Variants in LRRTM4 observed in about 807,000 individuals in gnomAD.
The protein encoded by LRRTM4 is leucine rich repeat transmembrane neuronal 4, also known as leucine-rich repeat transmembrane neuronal protein 4.
LRRTM4 carries 25 observed loss-of-function variants against 47.6 expected under a neutral mutation model. That is an observed-to-expected ratio of 0.53 (90% CI 0.38 to 0.73). The LOEUF (loss-of-function observed/expected upper bound fraction) is 0.73, where lower values mean the gene tolerates loss of function less well. LRRTM4 is among the 30% of genes least tolerant of loss of function. The pLI is 0.00. For synonymous variants in LRRTM4, 311 were observed against 269.5 expected (o/e 1.15, Z -1.51); for missense variants, 638 against 713.4 (o/e 0.89, Z 1.20).
chr2:77,249,280 G>A (rs950365438), intron 3 of LRRTM4, among the ~76,000 whole-genome samples: 5 of 151,954 alleles, frequency 3.3e-5, no homozygotes, highest in Non-Finnish European at 7.4e-5. Flanking sequence ...AACCTGGGAG[G>A]CAGAGGTTGC....
chr2:76,905,726 A>C (rs1382885234), intron 3 of LRRTM4, among the ~76,000 whole-genome samples: 1 of 150,988 alleles, frequency 6.6e-6, no homozygotes, highest in Admixed American at 6.7e-5. Flanking sequence ...CGATGCGATC[A>C]ACTGGAAGAA....
chr2:77,093,764 T>C (rs111489135), intron 3 of LRRTM4, among the ~76,000 whole-genome samples: 18,455 of 151,742 alleles, frequency 0.12, 1,408 homozygotes, highest in East Asian at 0.23. Context: ...ACAAAAGAAG[T>C]GAATATGCCC....
At chr2:77,022,522 A>G (rs1678309448) in intron 3 of LRRTM4, among the ~76,000 whole-genome samples, 1 of 152,216 alleles carries the variant, frequency 6.6e-6, no homozygotes, top group Non-Finnish European at 1.5e-5. Flanking sequence ...GAGCCTGTAA[A>G]ATCGAAAGCA....
At chr2:77,185,619 G>A (rs1045695330) in intron 3 of LRRTM4, among the ~76,000 whole-genome samples, 16 of 152,116 alleles carry the variant, frequency 1.1e-4, no homozygotes, top group African/African-American at 3.4e-4. Flanking sequence ...AGATGGATAA[G>A]TCAAACTAAA....
At chr2:77,023,639 C>G (rs1185516231) in intron 3 of LRRTM4, among the ~76,000 whole-genome samples, 1 of 152,176 alleles carries the variant, frequency 6.6e-6, no homozygotes, top group Non-Finnish European at 1.5e-5. Context: ...CACAATGCTG[C>G]CAGTTTCTTT....
intron 3 of LRRTM4, among the ~76,000 whole-genome samples, chr2:77,325,486 T>A (rs1183805828): frequency 1.3e-5 from 2 of 151,976 alleles, no homozygotes; most frequent in African/African-American, 4.8e-5. Context: ...AAAATTAGAG[T>A]GTATTGATAT....
At chr2:77,447,665 AC>A (rs1676106195) in intron 3 of LRRTM4, among the ~76,000 whole-genome samples, 1 of 152,120 alleles carries the variant, frequency 6.6e-6, no homozygotes, top group African/African-American at 2.4e-5. Flanking sequence ...CAACTGTTAG[AC>A]TTTTTTTTGA....
At chr2:77,039,859 T>G (rs1244194306) in intron 3 of LRRTM4, among the ~76,000 whole-genome samples, 1 of 151,112 alleles carries the variant, frequency 6.6e-6, no homozygotes, top group Non-Finnish European at 1.5e-5. Context: ...TTTAAACTAT[T>G]TTAATAGAAT....
At chr2:77,112,719 G>C (rs1026769690) in intron 3 of LRRTM4, among the ~76,000 whole-genome samples, 1 of 151,572 alleles carries the variant, frequency 6.6e-6, no homozygotes, top group Non-Finnish European at 1.5e-5. Context: ...TCCTACCAAA[G>C]TACCTTGAAA....
chr2:76,949,652 T>C (rs1225302934), intron 3 of LRRTM4, among the ~76,000 whole-genome samples: 1 of 151,944 alleles, frequency 6.6e-6, no homozygotes, highest in Non-Finnish European at 1.5e-5. Flanking sequence ...GATTCTTCTC[T>C]GGTATCCAGT....
intron 3 of LRRTM4, among the ~76,000 whole-genome samples, chr2:76,842,783 T>C (rs188914898): frequency 1.1e-4 from 16 of 152,306 alleles, no homozygotes; most frequent in Admixed American, 1.0e-3. Flanking sequence ...TGTGCAGGTT[T>C]GTTACATAGG....
chr2:77,214,367 T>C (rs1674379218), intron 3 of LRRTM4, among the ~76,000 whole-genome samples: 1 of 152,170 alleles, frequency 6.6e-6, no homozygotes, highest in Non-Finnish European at 1.5e-5. Context: ...TGTGCAGTAT[T>C]GCTAGAGTTA....
intron 3 of LRRTM4, among the ~76,000 whole-genome samples, chr2:76,911,778 A>G (rs1185018645): frequency 6.6e-6 from 1 of 152,074 alleles, no homozygotes; most frequent in East Asian, 1.9e-4. Flanking sequence ...TAATATACAC[A>G]CTGAAGGAAG....
intron 3 of LRRTM4, among the ~76,000 whole-genome samples, chr2:76,921,714 T>C (rs1011799365): frequency 6.6e-6 from 1 of 152,116 alleles, no homozygotes; most frequent in Non-Finnish European, 1.5e-5. Context: ...TTATTTTGGC[T>C]CCTATATCCC....
At chr2:76,974,379 G>T (rs1676346558) in intron 3 of LRRTM4, among the ~76,000 whole-genome samples, 1 of 150,400 alleles carries the variant, frequency 6.6e-6, no homozygotes, top group Non-Finnish European at 1.5e-5. Flanking sequence ...TTTTGAGCTA[G>T]TAACGTTTAA....
chr2:77,016,973 A>G lies in LRRTM4; in HGVS notation c.1552-268057T>C, dbSNP rs78925217. 6.8e-4 allele frequency among the ~76,000 whole-genome samples: 104 copies of G among 151,930 alleles called. 7 individuals carry two copies. The East Asian group carries it at 0.02, about 29-fold the overall frequency. ...GGTCATATCTTGTTTTCTTTATTTC[A>G]TAGTAGCAAGCTGTGAATACTCCAT... On this transcript the variant is annotated intron_variant, in intron 3 of 3. Coordinates refer to ENST00000409884, the MANE Select transcript of LRRTM4 (RefSeq NM_001134745.3).
chr2:77,203,769 G>A (rs1408618321), intron 3 of LRRTM4, among the ~76,000 whole-genome samples: 1 of 152,108 alleles, frequency 6.6e-6, no homozygotes, highest in Non-Finnish European at 1.5e-5. Context: ...GCCAGTGCAT[G>A]GTAACACCTC....
intron 3 of LRRTM4, among the ~76,000 whole-genome samples, chr2:77,371,882 G>T (rs758348513): frequency 1.3e-5 from 2 of 151,660 alleles, no homozygotes; most frequent in Non-Finnish European, 2.9e-5. Context: ...GTACTTGAAG[G>T]CTAACAAGCT....
chr2:76,933,327 T>C lies in LRRTM4; in HGVS notation c.1552-184411A>G, dbSNP rs74923769. Among the ~76,000 whole-genome samples the C allele has an allele frequency of 7.2e-3, 1,092 of 152,238 alleles. 19 individuals are homozygous for C. Among genetic ancestry groups the C allele is most frequent in the African/African-American group, 0.026 (1,061 of 41,576 alleles). ...GGTATAACTTGCCAATCACTACATC[T>C]TAAAACTGTGTTTCTCTGTGCAAAA... On this transcript the variant is annotated intron_variant, in intron 3 of 3. Coordinates refer to ENST00000409884, the MANE Select transcript of LRRTM4 (RefSeq NM_001134745.3).
Sources: allele counts gnomAD v4.1 joint callset (sites outside exome capture counted in the v4.1 genomes callset), GRCh38; gene constraint gnomAD v4.1.1; transcripts MANE v1.5; gene names NCBI Gene and HGNC (gene_info 2026-07-23, HGNC 2026-07-21).